Variants in LY96 observed in about 807,000 individuals in gnomAD.
The protein encoded by LY96 is lymphocyte antigen 96, also known as myeloid differentiation protein-2.
Under a neutral mutation model 18.9 loss-of-function variants are expected in LY96, and 18 were observed. That is an observed-to-expected ratio of 0.95 (90% confidence interval 0.66 to 1.41). The LOEUF is 1.41. LY96 is among the 40% of genes most tolerant of loss of function. The pLI, the probability that LY96 is intolerant of heterozygous loss-of-function variation, is 0.00. For missense variants in LY96, 175 were observed against 182.4 expected (o/e 0.96, Z 0.23); for synonymous variants, 66 against 62.6 (o/e 1.06, Z -0.26).
At chr8:74,029,635 G>A (rs753314490), downstream of LY96, among the ~76,000 whole-genome samples, 7 of 152,090 alleles carry the variant, frequency 4.6e-5, no homozygotes, top group Non-Finnish European at 1.0e-4. Context: ...CTGCAGAGCC[G>A]TGAGTCAGTT....
At chr8:73,998,420 A>G (rs1816194978) in intron 1 of LY96, among the ~76,000 whole-genome samples, 1 of 152,016 alleles carries the variant, frequency 6.6e-6, no homozygotes, top group Non-Finnish European at 1.5e-5. Flanking sequence ...TCATGCCTAT[A>G]ATCCTAGTGC....
chr8:74,062,161 T>C, the LY96 span, among the ~76,000 whole-genome samples: 5 of 152,232 alleles, frequency 3.3e-5, no homozygotes, highest in Admixed American at 1.3e-4. Flanking sequence ...TTTACTCTTT[T>C]GTAAATTAGT....
At chr8:74,015,489 T>C (rs956379108) in intron 3 of LY96, among the ~76,000 whole-genome samples, 3 of 152,198 alleles carry the variant, frequency 2.0e-5, no homozygotes, top group Admixed American at 1.3e-4. Flanking sequence ...TTCCCTCCTA[T>C]GTTTGTCTAT....
the LY96 span, among the ~76,000 whole-genome samples, chr8:74,061,961 A>C: frequency 2.0e-5 from 3 of 152,218 alleles, no homozygotes; most frequent in Non-Finnish European, 2.9e-5. Context: ...TGCACACACA[A>C]AAAAAGCGCT....
chr8:74,075,595 C>T, the LY96 span, among the ~76,000 whole-genome samples: 1 of 152,070 alleles, frequency 6.6e-6, no homozygotes, highest in African/African-American at 2.4e-5. Context: ...TTGGTGACAC[C>T]AGCAACTTAA....
the LY96 span, among the ~76,000 whole-genome samples, chr8:74,089,232 A>AT: frequency 6.6e-6 from 1 of 152,092 alleles, no homozygotes; most frequent in African/African-American, 2.4e-5. Context: ...CTTTCGATGG[A>AT]TTTTTTCAGT....
At chr8:74,034,045 A>G (rs1311436123), downstream of LY96, among the ~76,000 whole-genome samples, 2 of 152,214 alleles carry the variant, frequency 1.3e-5, no homozygotes, top group African/African-American at 4.8e-5. Flanking sequence ...TAGTAAGCCT[A>G]AAACTTATTT....
the LY96 span, among the ~76,000 whole-genome samples, chr8:74,090,665 A>G: frequency 6.6e-6 from 1 of 152,188 alleles, no homozygotes; most frequent in African/African-American, 2.4e-5. Context: ...GTATCTTGTT[A>G]GGGCTCCGTC....
At chr8:74,089,434 G>A in the LY96 span, among the ~76,000 whole-genome samples, 1 of 151,958 alleles carries the variant, frequency 6.6e-6, no homozygotes, top group Non-Finnish European at 1.5e-5. Context: ...CATGTATCTG[G>A]CCCTGCCCCC....
chr8:74,055,136 G>A, the LY96 span, among the ~76,000 whole-genome samples: 1 of 152,030 alleles, frequency 6.6e-6, no homozygotes, highest in Admixed American at 6.6e-5. Context: ...TCAAACTCCT[G>A]GGCTCAAGCA....
chr8:74,079,899 G>T, the LY96 span, among the ~76,000 whole-genome samples: 42 of 152,090 alleles, frequency 2.8e-4, no homozygotes, highest in African/African-American at 9.7e-4. Flanking sequence ...GTGTGTGTGT[G>T]TATGTGCATG....
At chr8:74,039,910 C>T in the LY96 span, among the ~76,000 whole-genome samples, 3 of 152,102 alleles carry the variant, frequency 2.0e-5, no homozygotes, top group African/African-American at 4.8e-5. Context: ...TATCCAGCCT[C>T]CCACAAGAAG....
chr8:74,074,988 C>G, the LY96 span, among the ~76,000 whole-genome samples: 1 of 152,118 alleles, frequency 6.6e-6, no homozygotes, highest in South Asian at 2.1e-4. Flanking sequence ...TCTGTAAATA[C>G]CTACTAGTTC....
chr8:74,055,364 A>G, the LY96 span, among the ~76,000 whole-genome samples: 8 of 152,088 alleles, frequency 5.3e-5, no homozygotes, highest in Admixed American at 5.2e-4. Context: ...GAAGCTCACT[A>G]GTGCTAGTTA....
the LY96 span, among the ~76,000 whole-genome samples, chr8:74,051,083 G>C: frequency 6.6e-6 from 1 of 152,108 alleles, no homozygotes; most frequent in Non-Finnish European, 1.5e-5. Flanking sequence ...AAAGAAGATG[G>C]GGTTGTTCTA....
chr8:74,043,038 G>T, the LY96 span, among the ~76,000 whole-genome samples: 1 of 152,076 alleles, frequency 6.6e-6, no homozygotes, highest in African/African-American at 2.4e-5. Flanking sequence ...GCCTCCCAAA[G>T]TGCTGGGATT....
At chr8:74,093,257 A>C in the LY96 span, among the ~76,000 whole-genome samples, 1 of 151,978 alleles carries the variant, frequency 6.6e-6, no homozygotes, top group Admixed American at 6.5e-5. Flanking sequence ...CTTCCTTTCT[A>C]CTGTTGCACT....
the LY96 span, among the ~76,000 whole-genome samples, chr8:74,044,159 A>AT: frequency 4.2e-4 from 60 of 144,306 alleles, 1 homozygote; most frequent in African/African-American, 6.3e-4. Context: ...CATGTATGTT[A>AT]TTTTTTTTTT....
At chr8:74,081,541 G>A in the LY96 span, among the ~76,000 whole-genome samples, 13 of 151,682 alleles carry the variant, frequency 8.6e-5, 1 homozygote, top group East Asian at 2.5e-3. Flanking sequence ...CTACAGGTGT[G>A]AGCCATCATG....
Sources: gnomAD v4.1 joint callset for allele counts (sites outside exome capture counted in the v4.1 genomes callset) on GRCh38, gnomAD v4.1.1 for gene constraint, MANE v1.5 for transcripts, NCBI Gene and HGNC (gene_info 2026-07-23, HGNC 2026-07-21) for gene names.